OVOL2: variants seen among roughly 807,000 people sequenced by gnomAD.
OVOL2 encodes ovo like zinc finger 2.
Under a neutral mutation model 18.1 loss-of-function variants are expected in OVOL2, and 13 were observed. The ratio of observed to expected loss-of-function variants is 0.72; its 90% CI spans 0.47 to 1.14. The LOEUF (loss-of-function observed/expected upper bound fraction) is 1.14. OVOL2 is among the 50% of genes most tolerant of loss of function. The pLI is 0.00. For missense variants in OVOL2, 335 were observed against 383.0 expected, an observed-to-expected ratio of 0.87 and a Z score of 1.05; for synonymous variants, 166 against 162.7, an observed-to-expected ratio of 1.02 and a Z score of -0.16.
chr20:18,050,474 C>G (rs1453546622), intron 2 of OVOL2, among the ~76,000 whole-genome samples: 1 of 152,186 alleles, frequency 6.6e-6, no homozygotes, highest in Non-Finnish European at 1.5e-5. Context: ...CCATTTAATA[C>G]CTTTCTCTGC....
At chr20:18,054,920 C>T (rs2122728836) in intron 2 of OVOL2, among the ~76,000 whole-genome samples, 1 of 152,210 alleles carries the variant, frequency 6.6e-6, no homozygotes, top group Admixed American at 6.5e-5. Flanking sequence ...CTGCCAATGC[C>T]ATGGCTGATA....
At chr20:18,029,462 A>G (rs184978344) in intron 3 of OVOL2, among the ~76,000 whole-genome samples, 16 of 152,236 alleles carry the variant, frequency 1.1e-4, no homozygotes, top group Non-Finnish European at 1.9e-4. Flanking sequence ...ATAAATGCAC[A>G]TTCACATTGG....
At position 18,042,593 on chromosome 20, in the gene OVOL2, G is replaced by A. The variant is rs185199988; in HGVS notation, c.322-870C>T. 5.9e-4 allele frequency among the ~76,000 whole-genome samples: 89 copies of A among 151,902 alleles called. 1 individual carries two copies. The highest frequency in any genetic ancestry group is 1.8e-3 in the African/African-American group (75 of 41,468). The stretch of plus-strand genomic sequence containing the variant: ...GGAATTTGAGATCAGCCTGACCAAC[G>A]TGGAGAAATCCCATCTCTACTAAAA... On this transcript the variant is annotated intron_variant, in intron 2 of 3. Coordinates refer to ENST00000278780, the MANE Select transcript of OVOL2 (RefSeq NM_021220.4).
At chr20:18,054,958 A>G (rs2036805938) in intron 2 of OVOL2, among the ~76,000 whole-genome samples, 1 of 152,110 alleles carries the variant, frequency 6.6e-6, no homozygotes, top group Admixed American at 6.6e-5. Flanking sequence ...GAGCATATTA[A>G]CACCAAAATG....
intron 3 of OVOL2, among the ~76,000 whole-genome samples, chr20:18,034,735 C>T (rs6045153): frequency 0.16 from 23,980 of 151,482 alleles, 3,064 homozygotes; most frequent in African/African-American, 0.33. Flanking sequence ...TCTTTTCTTT[C>T]GTCTACTTGG....
intron 2 of OVOL2, among the ~76,000 whole-genome samples, chr20:18,046,440 C>T (rs2036724593): frequency 1.3e-5 from 2 of 152,148 alleles, no homozygotes; most frequent in Admixed American, 1.3e-4. Context: ...CCAGTCAAAC[C>T]CCCAGAAGAC....
chr20:18,025,985 T>TGCCCA (rs2036511070), intron 3 of OVOL2, among the ~76,000 whole-genome samples: 1 of 152,276 alleles, frequency 6.6e-6, no homozygotes, highest in African/African-American at 2.4e-5. Context: ...AAATGGCAGA[T>TGCCCA]GCCCAGGCCA....
intron 2 of OVOL2, among the ~76,000 whole-genome samples, chr20:18,054,340 C>T (rs563222922): frequency 7.2e-5 from 11 of 152,340 alleles, no homozygotes; most frequent in Middle Eastern, 3.4e-3. Flanking sequence ...ATTTTTACCT[C>T]CTGCTGCCTT....
intron 2 of OVOL2, among the ~76,000 whole-genome samples, chr20:18,047,162 A>G (rs916030856): frequency 2.7e-4 from 41 of 152,316 alleles, no homozygotes; most frequent in African/African-American, 8.7e-4. Context: ...ACTTAGTTGT[A>G]GGCAAGTTAC....
At position 18,056,252 on chromosome 20, in the gene OVOL2, G is replaced by T. The variant is rs533332301; in HGVS notation, c.321+405C>A. 1.8e-4 allele frequency among the ~76,000 whole-genome samples: 27 copies of T among 152,312 alleles called. No individual in the cohort carries two copies. The highest frequency in any genetic ancestry group is 6.0e-4 in the African/African-American group (25 of 41,562). Reference sequence around the variant, plus strand: ...GCCAGGAACTGCGTCCCAGAGGGTGGAATTTCTGAGAGCGCTGAGGCTTCC... The same window carrying T: ...GCCAGGAACTGCGTCCCAGAGGGTGTAATTTCTGAGAGCGCTGAGGCTTCC... On this transcript the variant is annotated intron_variant, in intron 2 of 3. Coordinates refer to ENST00000278780, the MANE Select transcript of OVOL2 (RefSeq NM_021220.4). The surrounding 1 kb of genome is among the most constrained non-coding windows in gnomAD (Gnocchi z 4.2).
chr20:18,037,009 G>T (rs1485615567), intron 3 of OVOL2, among the ~76,000 whole-genome samples: 1 of 151,792 alleles, frequency 6.6e-6, no homozygotes, highest in African/African-American at 2.4e-5. Flanking sequence ...GGTAGCGGGC[G>T]CCTGTAGTCC....
chr20:18,046,565 G>T (rs1354190725), intron 2 of OVOL2, among the ~76,000 whole-genome samples: 1 of 152,190 alleles, frequency 6.6e-6, no homozygotes, highest in East Asian at 1.9e-4. Flanking sequence ...ATTAAATTTG[G>T]AGATTCTTGT....
At chr20:18,051,763 C>T (rs973959799) in intron 2 of OVOL2, among the ~76,000 whole-genome samples, 5 of 152,178 alleles carry the variant, frequency 3.3e-5, no homozygotes, top group African/African-American at 7.2e-5. Flanking sequence ...GACAGGGTCT[C>T]GCTCTGTTGT....
At chr20:18,027,785 C>T (rs6045144) in intron 3 of OVOL2, among the ~76,000 whole-genome samples, 20,468 of 151,598 alleles carry the variant, frequency 0.14, 1,540 homozygotes, top group East Asian at 0.32. Flanking sequence ...TTAGTAGAGA[C>T]GGGGTTTCAC....
chr20:18,025,334 G>A (rs979336935), intron 3 of OVOL2, among the ~76,000 whole-genome samples: 4 of 152,248 alleles, frequency 2.6e-5, no homozygotes, highest in Admixed American at 2.0e-4. Context: ...TTGGGAGGCC[G>A]AGGCAGGCGG....
At chr20:18,037,090 C>T (rs1355920664) in intron 3 of OVOL2, among the ~76,000 whole-genome samples, 12 of 147,982 alleles carry the variant, frequency 8.1e-5, no homozygotes, top group Non-Finnish European at 1.5e-4. Context: ...GAGCCGAGAT[C>T]GCGCCACCGC....
At chr20:18,050,603 C>T (rs1236240903) in intron 2 of OVOL2, 5 of 152,206 alleles carry the variant, frequency 3.3e-5, no homozygotes, top group Non-Finnish European at 7.3e-5. Context: ...ACACATTGTT[C>T]TCATATTCCT....
intron 2 of OVOL2, among the ~76,000 whole-genome samples, chr20:18,046,172 A>G (rs1012286256): frequency 1.3e-5 from 2 of 152,204 alleles, no homozygotes; most frequent in Non-Finnish European, 2.9e-5. Context: ...AGACTATTTC[A>G]CTTCTCAGAA....
intron 2 of OVOL2, among the ~76,000 whole-genome samples, chr20:18,054,553 A>T (rs2036799429): frequency 1.3e-5 from 2 of 152,206 alleles, no homozygotes; most frequent in South Asian, 4.1e-4. Flanking sequence ...GACCAGGCTG[A>T]CCAACATGGA....
Sources: allele counts gnomAD v4.1 joint callset (sites outside exome capture counted in the v4.1 genomes callset), GRCh38; gene constraint gnomAD v4.1.1; non-coding constraint Gnocchi (gnomAD v3.1); transcripts MANE v1.5; gene names NCBI Gene and HGNC (gene_info 2026-07-23, HGNC 2026-07-21).